The following CCND3 variants were observed in gnomAD, a reference collection of about 807,000 sequenced individuals.
CCND3 encodes G1/S-specific cyclin-D3.
A neutral mutation model predicts 28.7 loss-of-function variants in CCND3; 9 were observed. The observed-to-expected ratio is 0.31, with a 90% CI of 0.19 to 0.55. The LOEUF (loss-of-function observed/expected upper bound fraction) is 0.55, where lower values mean the gene tolerates loss of function less well. Among genes scored for constraint, CCND3 ranks in the 20% least tolerant of loss-of-function variants. The pLI is 0.93. For synonymous variants in CCND3, 164 were observed against 163.9 expected, an observed-to-expected ratio of 1.00 and a Z score of 0.00; for missense variants, 315 against 385.8, an observed-to-expected ratio of 0.82 and a Z score of 1.54.
At chr6:42,009,580 C>A (rs574251028) in intron 1 of CCND3, among the ~76,000 whole-genome samples, 18 of 152,280 alleles carry the variant, frequency 1.2e-4, no homozygotes, top group Admixed American at 9.2e-4. Context: ...CCATTCCACT[C>A]CAGTCTGGGC....
intron 1 of CCND3, among the ~76,000 whole-genome samples, chr6:41,991,097 T>C (rs191969619): frequency 0.011 from 1,655 of 151,860 alleles, 21 homozygotes; most frequent in Non-Finnish European, 0.019. Context: ...TCCCTCTTGT[T>C]GCCCAGACTG....
chr6:42,018,354 G>C (rs1158618470), intron 1 of CCND3: 1 of 150,906 alleles, frequency 6.6e-6, no homozygotes, highest in Non-Finnish European at 1.5e-5. Flanking sequence ...CACCATGCCC[G>C]GCTAATTTTT....
chr6:41,957,907 A>ACT (rs1271003837), intron 1 of CCND3, among the ~76,000 whole-genome samples: 1 of 151,272 alleles, frequency 6.6e-6, no homozygotes, highest in African/African-American at 2.4e-5. Flanking sequence ...CTGGTCTCGA[A>ACT]CTCCTGGCCT....
At chr6:41,958,233 G>C (rs1404787170) in intron 1 of CCND3, among the ~76,000 whole-genome samples, 1 of 152,066 alleles carries the variant, frequency 6.6e-6, no homozygotes, top group Non-Finnish European at 1.5e-5. Context: ...CTGACTCCAA[G>C]TGATTCGCCC....
In CCND3 at chr6:42,048,011, C is replaced by G. The variant is rs957633612; in HGVS notation, c.-46+490G>C. On this transcript the variant is annotated intron_variant, in intron 1 of 4. Coordinates refer to the CCND3 transcript ENST00000372988. The surrounding 1 kb of genome is among the most constrained non-coding windows in gnomAD (Gnocchi z 4.7). ...TAACTTAATGCTCCCTTAGTAACAG[C>G]AACCAATTTATTCAGTTATTCCTCT... 1 of 153,216 alleles carries G rather than the reference C, an allele frequency of 6.5e-6. No homozygotes were observed. Among genetic ancestry groups the G allele is most frequent in the Non-Finnish European group, 1.5e-5 (1 of 68,570 alleles). The allele number at this position is 153,216 out of a possible 1,614,324, so 9.5% of individuals were successfully genotyped here. A position where few individuals can be genotyped will look rare whatever the true frequency, so the allele number is the denominator to read the frequency against.
intron 1 of CCND3, among the ~76,000 whole-genome samples, chr6:41,994,034 A>G (rs1314310579): frequency 6.7e-6 from 1 of 149,534 alleles, no homozygotes; most frequent in Middle Eastern, 3.2e-3. Context: ...GCCAATCTGA[A>G]AAAGCTTCAT....
At chr6:41,986,017 C>A (rs1014828430) in intron 1 of CCND3, among the ~76,000 whole-genome samples, 1 of 152,026 alleles carries the variant, frequency 6.6e-6, no homozygotes, top group African/African-American at 2.4e-5. Flanking sequence ...TTTCCCAAAA[C>A]CATTTATTGA....
upstream of CCND3, among the ~76,000 whole-genome samples, chr6:41,943,249 A>T (rs1776088897): frequency 6.6e-6 from 1 of 152,242 alleles, no homozygotes; most frequent in Non-Finnish European, 1.5e-5. Context: ...CAAAAATACA[A>T]ATAAGCCACA....
At chr6:41,949,512 A>G (rs1776252377) in intron 1 of CCND3, among the ~76,000 whole-genome samples, 1 of 152,132 alleles carries the variant, frequency 6.6e-6, no homozygotes, top group Non-Finnish European at 1.5e-5. Context: ...CTCAAAAGAA[A>G]AGAAATTTCC....
chr6:42,020,208 G>A (rs1018734247), intron 1 of CCND3, among the ~76,000 whole-genome samples: 2 of 152,292 alleles, frequency 1.3e-5, no homozygotes, highest in South Asian at 4.1e-4. Context: ...GAACCCAGGA[G>A]GAGGTGGAGC....
rs148226555 is a variant in CCND3, at chr6:41,958,241, C to T, written c.-45-17656G>A. On this transcript the variant is annotated intron_variant, in intron 1 of 4. Transcript: ENST00000372988. Reference sequence around the variant, plus strand: ...TGAACTCCTGACTCCAAGTGATTCGCCCACCTTGGCCTCCCGAAGTGCTGG... The same window carrying T: ...TGAACTCCTGACTCCAAGTGATTCGTCCACCTTGGCCTCCCGAAGTGCTGG... Among the ~76,000 whole-genome samples, 292 of 152,188 alleles carry T rather than the reference C, an allele frequency of 1.9e-3. No homozygotes were observed. The Middle Eastern group carries it at 0.02, about 11-fold the overall frequency.
intron 1 of CCND3, among the ~76,000 whole-genome samples, chr6:42,025,613 C>T (rs1244339403): frequency 6.6e-6 from 1 of 152,230 alleles, no homozygotes; most frequent in Non-Finnish European, 1.5e-5. Context: ...GCCCTCCCCT[C>T]CGGCACTCTG....
chr6:42,022,332 A>G (rs376774035), intron 1 of CCND3, among the ~76,000 whole-genome samples: 3 of 152,230 alleles, frequency 2.0e-5, no homozygotes, highest in Non-Finnish European at 4.4e-5. Context: ...TGAATGAAGA[A>G]ATGAATGAAC....
intron 1 of CCND3, among the ~76,000 whole-genome samples, chr6:42,021,385 T>C (rs2127433193): frequency 6.6e-6 from 1 of 152,310 alleles, no homozygotes; most frequent in African/African-American, 2.4e-5. Context: ...CAACTTTTCC[T>C]AAGAGAATAT....
intron 1 of CCND3, among the ~76,000 whole-genome samples, chr6:41,975,538 G>A (rs1347927928): frequency 6.6e-6 from 1 of 152,174 alleles, no homozygotes; most frequent in Non-Finnish European, 1.5e-5. Context: ...CAGAGGTGCT[G>A]GGGGCCTCGG....
At chr6:41,953,644 G>T (rs1776369385) in intron 1 of CCND3, among the ~76,000 whole-genome samples, 1 of 152,158 alleles carries the variant, frequency 6.6e-6, no homozygotes, top group Non-Finnish European at 1.5e-5. Context: ...CCCAGGTTTT[G>T]TTGAGCTATC....
intron 1 of CCND3, among the ~76,000 whole-genome samples, chr6:41,951,559 C>T (rs1776313129): frequency 1.4e-5 from 1 of 73,906 alleles, no homozygotes; most frequent in Non-Finnish European, 2.9e-5. Context: ...CACACACACA[C>T]ACACACACAC....
intron 1 of CCND3, among the ~76,000 whole-genome samples, chr6:41,964,041 T>TTAG (rs751382515): frequency 5.9e-5 from 9 of 152,166 alleles, no homozygotes; most frequent in Non-Finnish European, 7.4e-5. Flanking sequence ...TCAATAAATA[T>TTAG]TAGTAGAATG....
chr6:41,951,951 G>A (rs1268554681), intron 1 of CCND3, among the ~76,000 whole-genome samples: 5 of 151,726 alleles, frequency 3.3e-5, no homozygotes, highest in Admixed American at 6.6e-5. Flanking sequence ...TAGTAGAGAC[G>A]CGGTTTCACC....
Sources: allele counts gnomAD v4.1 joint callset (sites outside exome capture counted in the v4.1 genomes callset), GRCh38; gene constraint gnomAD v4.1.1; non-coding constraint Gnocchi (gnomAD v3.1); transcripts MANE v1.5; gene names NCBI Gene and HGNC (gene_info 2026-07-23, HGNC 2026-07-21).